Variants in PROSER3 observed in about 807,000 individuals in gnomAD.
The protein encoded by PROSER3 is proline and serine rich 3, also known as proline and serine-rich protein 3.
PROSER3 carries 33 observed loss-of-function variants against 50.2 expected under a neutral mutation model. The ratio of observed to expected loss-of-function variants is 0.66; its 90% CI spans 0.50 to 0.88. The LOEUF (loss-of-function observed/expected upper bound fraction) is 0.88. Ranked by LOEUF, PROSER3 falls within the 40% of genes least tolerant of loss-of-function variation. The probability of loss-of-function intolerance (pLI) is 0.00; values close to 1 mark genes in which losing one functional copy is unlikely to be tolerated. For missense variants in PROSER3, 623 were observed against 612.7 expected, an observed-to-expected ratio of 1.02 and a Z score of -0.18; for synonymous variants, 266 against 259.3, an observed-to-expected ratio of 1.03 and a Z score of -0.25.
At chr19:35,758,467 A>C in intron 1 of PROSER3, 1 of 428,680 alleles carries the variant, frequency 2.3e-6, no homozygotes, top group Non-Finnish European at 4.1e-6. Context: ...ATTGCCTCTA[A>C]AGGTGTCCAA....
chr19:35,758,273 CA>C, intron 1 of PROSER3, 47 bp downstream of exon 1: 1 of 1,552,286 alleles, frequency 6.4e-7, no homozygotes. Context: ...TGGGGAGGAC[CA>C]ACGGCGAGAG....
chr19:35,768,610 C>T, exon 11 of PROSER3: 2 of 1,501,756 alleles, frequency 1.3e-6, no homozygotes, highest in South Asian at 2.6e-5. Flanking sequence ...TACTGGTTAT[C>T]TGTGAGAAAG....
rs367725676 is a variant in PROSER3 at position 35,765,207 on chromosome 19, G to A, written c.769+31G>A. The A allele has an allele frequency of 6.1e-4, 984 of 1,605,094 alleles. 5 individuals carry two copies. The African/African-American group carries it at 0.01, about 17-fold the overall frequency. On this transcript the variant is annotated intron_variant, in intron 7 of 10. Coordinates refer to ENST00000396908, the Ensembl canonical transcript of PROSER3. Reference sequence around the variant, plus strand: ...GGCTGAGAGGCAAAGACTGAGGGCAGCCTGGGTGCAAATCCCAACTCTGCC... The same window carrying A: ...GGCTGAGAGGCAAAGACTGAGGGCAACCTGGGTGCAAATCCCAACTCTGCC...
intron 1 of PROSER3, 53 bp downstream of exon 1, chr19:35,758,279 C>A: frequency 6.5e-6 from 10 of 1,548,594 alleles, no homozygotes; most frequent in Non-Finnish European, 8.7e-6. Context: ...GGACCAACGG[C>A]GAGAGCAGCA....
At chr19:35,762,227 C>G (rs1216343413) in intron 4 of PROSER3, 26 bp from the exon 5 acceptor site, 16 of 1,605,020 alleles carry the variant, frequency 1.0e-5, no homozygotes, top group Non-Finnish European at 1.3e-5. Context: ...CCTCCTGGCC[C>G]TCATACCTCA....
At chr19:35,766,775 G>C (rs922999563) in exon 8 of PROSER3, 2 of 1,547,014 alleles carry the variant, frequency 1.3e-6, no homozygotes, top group Non-Finnish European at 1.7e-6. Context: ...CAGCATCCCC[G>C]GCACCAGCCC....
At position 35,762,006 on chromosome 19, in the gene PROSER3, C is replaced by T. The variant is rs1309705640; in HGVS notation, c.312-13C>T. 5.1e-6 allele frequency: 8 copies of T among 1,583,368 alleles called. No individual in the cohort carries two copies. In the East Asian group the frequency reaches 6.8e-5, roughly 13 times the overall value. On this transcript the variant is annotated splice_polypyrimidine_tract_variant and intron_variant, in intron 3 of 10. Coordinates refer to ENST00000396908, the Ensembl canonical transcript of PROSER3. ...CCTCACTCCACTCACCTCCTATCCC[C>T]TGATGTTCACAGGTATATAAACAGG...
At chr19:35,760,463 A>G (rs1052614672) in intron 3 of PROSER3, among the ~76,000 whole-genome samples, 4 of 152,076 alleles carry the variant, frequency 2.6e-5, no homozygotes, top group African/African-American at 9.7e-5. Flanking sequence ...TTATCTCTAA[A>G]TTGGGTGTTT....
downstream of PROSER3, chr19:35,771,029 C>T (rs770371194): frequency 1.3e-5 from 2 of 152,054 alleles, no homozygotes; most frequent in Admixed American, 6.6e-5. Flanking sequence ...GTTAAAGATA[C>T]GCCTGTAATC....
At position 35,766,973 on chromosome 19, in the gene PROSER3, G is replaced by T. The variant is rs1418010091; in HGVS notation, c.957+18G>T. On this transcript the variant is annotated intron_variant, in intron 8 of 10. Coordinates refer to ENST00000396908, the Ensembl canonical transcript of PROSER3. ...GCACGTTGGTGAGCCGAGGGAGGGA[G>T]GAGCCTGGGGGGAGCTGGAGGAGGG... is the stretch of plus-strand genomic sequence containing the variant. 2 of 1,537,860 alleles carry T rather than the reference G, an allele frequency of 1.3e-6. No individual in the cohort carries two copies. The highest frequency in any genetic ancestry group is 2.7e-5 in the African/African-American group (2 of 72,978).
At chr19:35,767,899 C>T in exon 9 of PROSER3, 8 of 1,613,036 alleles carry the variant, frequency 5.0e-6, no homozygotes, top group South Asian at 1.1e-5. Flanking sequence ...GCCTGCAGCC[C>T]GAGGTCCCAC....
At position 35,767,655 on chromosome 19, in the gene PROSER3, C is replaced by T. The variant is rs951321323; in HGVS notation, c.958-149C>T. 39 of 1,022,738 alleles carry T rather than the reference C, an allele frequency of 3.8e-5. No homozygotes were observed. The East Asian group carries it at 9.8e-4, about 26-fold the overall frequency. 63.4% of individuals were successfully genotyped at this position (1,022,738 alleles called of 1,614,324 possible). On this transcript the variant is annotated intron_variant, in intron 8 of 10. Coordinates refer to ENST00000396908, the Ensembl canonical transcript of PROSER3. ...AGGGGTGTCCTGGGCCAGGTAGTGG[C>T]AGCTCGGCTGTTCCCTGACAGCCTG...
chr19:35,770,211 T>C (rs534825111), downstream of PROSER3, among the ~76,000 whole-genome samples: 2 of 152,270 alleles, frequency 1.3e-5, no homozygotes, highest in Admixed American at 1.3e-4. Context: ...CAATTTTTTG[T>C]ATTTTTAGTA....
chr19:35,767,596 C>A, intron 8 of PROSER3: 1 of 614,140 alleles, frequency 1.6e-6, no homozygotes, highest in Non-Finnish European at 2.8e-6. Context: ...CCGAGCAAGT[C>A]CCTGCAGCTG....
At chr19:35,761,410 G>A (rs550491398) in intron 3 of PROSER3, among the ~76,000 whole-genome samples, 16 of 152,172 alleles carry the variant, frequency 1.1e-4, no homozygotes, top group Non-Finnish European at 7.4e-5. Flanking sequence ...AGTGGCTCAC[G>A]CCTGTAATTC....
At chr19:35,764,083 C>T (rs565385922) in intron 5 of PROSER3, among the ~76,000 whole-genome samples, 5 of 152,170 alleles carry the variant, frequency 3.3e-5, no homozygotes, top group Admixed American at 6.5e-5. Context: ...CCACCACGCC[C>T]GCCTCTGTGC....
rs773732786 is a variant in PROSER3 at position 35,767,953 on chromosome 19, A to G, written c.1107A>G (p.Pro369=). 3.2e-5 allele frequency: 52 copies of G among 1,610,186 alleles called. 1 individual carries two copies. The Admixed American group carries it at 8.0e-4, about 25-fold the overall frequency. The change falls in exon 9 of 11, where the codon CCA becomes CCG. Residue 369 remains proline (P), a synonymous_variant. Transcript: ENST00000396908. ...CAACCACAGTCAAGGCCTCGCCGCC[A>G]GCCTTCCAGGTGGGGTCTCCGGAGG...
rs1019013134 is a variant in PROSER3 at position 35,758,282 on chromosome 19, G to C, written c.11+56G>C. 3 of 1,546,908 alleles carry C rather than the reference G, an allele frequency of 1.9e-6. No homozygotes were observed. The East Asian group carries it at 7.4e-5, about 38-fold the overall frequency. ...GGAGGCTGGGGAGGACCAACGGCGA[G>C]AGCAGCACAGCCTAGGACGGGCTGG... On this transcript the variant is annotated intron_variant, in intron 1 of 10. Transcript: ENST00000396908.
chr19:35,759,431 C>T, exon 2 of PROSER3: 1 of 1,613,384 alleles, frequency 6.2e-7, no homozygotes, highest in Non-Finnish European at 8.5e-7. Flanking sequence ...TGGGTCGAAG[C>T]CACTACTGGC....
Sources: gnomAD v4.1 joint callset for allele counts (sites outside exome capture counted in the v4.1 genomes callset) on GRCh38, gnomAD v4.1.1 for gene constraint, MANE v1.5 for transcripts, NCBI Gene and HGNC (gene_info 2026-07-23, HGNC 2026-07-21) for gene names.